XIRP2: variants seen among roughly 807,000 people sequenced by gnomAD.
XIRP2 encodes xin actin binding repeat containing 2, also known as xin actin-binding repeat-containing protein 2.
XIRP2 carries 236 observed loss-of-function variants against 277.0 expected under a neutral mutation model. The ratio of observed to expected loss-of-function variants is 0.85; its 90% CI spans 0.77 to 0.95. XIRP2 has a LOEUF of 0.95. Among genes scored for constraint, XIRP2 ranks in the 40% least tolerant of loss-of-function variants. The pLI, the probability that XIRP2 is intolerant of heterozygous loss-of-function variation, is 0.00. For synonymous variants in XIRP2, 1,490 were observed against 1,416.5 expected, an observed-to-expected ratio of 1.05 and a Z score of -1.17; for missense variants, 4,640 against 4,157.5, an observed-to-expected ratio of 1.12 and a Z score of -3.19.
intron 2 of XIRP2, among the ~76,000 whole-genome samples, chr2:166,997,338 TTC>T (rs1260416552): frequency 6.6e-6 from 1 of 152,210 alleles, no homozygotes; most frequent in Non-Finnish European, 1.5e-5. Context: ...TTCTGTATTT[TTC>T]AAGTCCCAAA....
intron 3 of XIRP2, among the ~76,000 whole-genome samples, chr2:167,145,757 A>C (rs962518299): frequency 4.6e-5 from 7 of 152,184 alleles, no homozygotes; most frequent in Non-Finnish European, 1.0e-4. Context: ...CCCCAAACTG[A>C]GAAATTAACT....
chr2:167,209,469 A>G (rs1573960227), intron 3 of XIRP2, among the ~76,000 whole-genome samples: 1 of 152,042 alleles, frequency 6.6e-6, no homozygotes, highest in East Asian at 1.9e-4. Context: ...GCTGTCTTTT[A>G]CTAGAGGTTA....
intron 1 of XIRP2, among the ~76,000 whole-genome samples, chr2:166,902,047 T>A (rs1273617898): frequency 1.3e-5 from 2 of 152,134 alleles, no homozygotes; most frequent in Non-Finnish European, 1.5e-5. Flanking sequence ...CAAATTTATT[T>A]CTCAAAATAA....
intron 2 of XIRP2, among the ~76,000 whole-genome samples, chr2:167,003,580 T>C (rs1687426790): frequency 6.6e-6 from 1 of 151,950 alleles, no homozygotes; most frequent in South Asian, 2.1e-4. Flanking sequence ...GAACAGCATG[T>C]AACTCAGTAT....
At chr2:166,965,271 C>T (rs777651014) in intron 2 of XIRP2, among the ~76,000 whole-genome samples, 12 of 151,824 alleles carry the variant, frequency 7.9e-5, no homozygotes, top group Non-Finnish European at 1.8e-4. Context: ...AACTCAGCTC[C>T]CAACATTATT....
At position 167,245,084 on chromosome 2, in the gene XIRP2, T is replaced by C; in HGVS notation, c.3692T>C (p.Ile1231Thr). ...ATCAAAACCTTAAAAACTGAAGATA[T>C]TCAGAAAGGCAATGTTTTAAATTGT... ...KKIKTLKTED[I>T]QKGNVLNCRW... The change falls in exon 9 of 11, where the codon ATT (isoleucine) becomes ACT (threonine). Residue 1231 changes from isoleucine (I) to threonine (T), a missense_variant. Ile to Thr is a moderately conservative substitution (Grantham distance 89). Transcript: ENST00000409195. 4 of 1,610,240 alleles carry C rather than the reference T, an allele frequency of 2.5e-6. No individual in the cohort carries two copies. The highest frequency in any genetic ancestry group is 1.1e-5 in the South Asian group (1 of 90,058).
Position 166,968,323 on chromosome 2 carries a change from A to G in XIRP2, c.408+64433A>G, listed in dbSNP as rs768687979. On this transcript the variant is annotated intron_variant, in intron 2 of 10. Transcript: ENST00000409195. ...ACGTAGAATTGGTGTTCTTTTATCT[A>G]TACAAAAAGGCACTTACTGAATAAT... is the stretch of plus-strand genomic sequence containing the variant. Among the ~76,000 whole-genome samples, 60 of 152,084 alleles carry G rather than the reference A, an allele frequency of 3.9e-4. 1 individual carries two copies. Among genetic ancestry groups the G allele is most frequent in the Middle Eastern group, 3.4e-3 (1 of 294 alleles).
intron 5 of XIRP2, among the ~76,000 whole-genome samples, chr2:167,230,617 A>C (rs767382087): frequency 1.5e-4 from 23 of 152,220 alleles, no homozygotes; most frequent in Non-Finnish European, 2.5e-4. Context: ...TACTATATTC[A>C]TGATATATCT....
chr2:167,046,407 A>G (rs958922318), intron 2 of XIRP2, among the ~76,000 whole-genome samples: 1 of 151,946 alleles, frequency 6.6e-6, no homozygotes, highest in African/African-American at 2.4e-5. Flanking sequence ...AGAATTTTTA[A>G]TATGAAGGGA....
chr2:167,134,958 A>T (rs1051710091), intron 2 of XIRP2, among the ~76,000 whole-genome samples: 9 of 152,086 alleles, frequency 5.9e-5, no homozygotes, highest in Non-Finnish European at 1.3e-4. Flanking sequence ...AAATTTATGA[A>T]TGGTTTATTT....
intron 2 of XIRP2, among the ~76,000 whole-genome samples, chr2:167,128,382 A>G (rs72884664): frequency 6.6e-6 from 1 of 152,116 alleles, no homozygotes; most frequent in Non-Finnish European, 1.5e-5. Flanking sequence ...TTTTTCAGTA[A>G]GTAGTCAACC....
At chr2:167,149,256 T>G (rs965867543) in intron 3 of XIRP2, among the ~76,000 whole-genome samples, 2 of 152,184 alleles carry the variant, frequency 1.3e-5, no homozygotes, top group Non-Finnish European at 2.9e-5. Flanking sequence ...CTTAATTCAC[T>G]ATGCAGATAG....
intron 2 of XIRP2, among the ~76,000 whole-genome samples, chr2:166,940,720 C>A (rs1343210785): frequency 2.6e-5 from 4 of 152,214 alleles, no homozygotes; most frequent in Non-Finnish European, 5.9e-5. Context: ...ACTTCAGACC[C>A]TGTTTGCCTG....
At chr2:167,228,358 C>G (rs1477900889) in intron 5 of XIRP2, among the ~76,000 whole-genome samples, 1 of 152,132 alleles carries the variant, frequency 6.6e-6, no homozygotes, top group African/African-American at 2.4e-5. Flanking sequence ...ACTGCTAATG[C>G]GTAGAGGGAT....
At position 166,903,731 on chromosome 2, in the gene XIRP2, G is replaced by A; in HGVS notation, c.249G>A (p.Lys83=). 1 of 1,613,670 alleles carries A rather than the reference G, an allele frequency of 6.2e-7. No homozygotes were observed. The highest frequency in any genetic ancestry group is 8.5e-7 in the Non-Finnish European group (1 of 1,179,804). The change falls in exon 2 of 11, where the codon AAG becomes AAA. Residue 83 remains lysine, a synonymous_variant. Transcript: ENST00000409195. ...CGGAAGAGAAGGATTCTGTGGACAA[G>A]AGTAACAACACCAGGGAATATGGTC... The part of the protein sequence containing the change: ...SKPEEKDSVD[K]SNNTREYGRP...
chr2:166,950,372 TGTG>T (rs769816192), intron 2 of XIRP2, among the ~76,000 whole-genome samples: 8 of 151,998 alleles, frequency 5.3e-5, no homozygotes, highest in Non-Finnish European at 1.0e-4. Context: ...TGTATTTAAT[TGTG>T]GTGAGGTCTT....
chr2:167,233,055 A>AC (rs1694805534), intron 5 of XIRP2, among the ~76,000 whole-genome samples: 1 of 151,932 alleles, frequency 6.6e-6, no homozygotes, highest in South Asian at 2.1e-4. Context: ...GCTCATTGGA[A>AC]CCCCAGGAAG....
At chr2:167,082,987 C>T (rs1382909898) in intron 2 of XIRP2, among the ~76,000 whole-genome samples, 1 of 152,126 alleles carries the variant, frequency 6.6e-6, no homozygotes, top group Non-Finnish European at 1.5e-5. Context: ...GTTGCCATTG[C>T]TTTTGGTGTT....
intron 2 of XIRP2, among the ~76,000 whole-genome samples, chr2:167,132,231 G>C (rs1406072071): frequency 6.6e-6 from 1 of 151,936 alleles, no homozygotes; most frequent in Non-Finnish European, 1.5e-5. Flanking sequence ...TGGAGTAGTG[G>C]CTCTTTACCA....
Sources: gnomAD v4.1 joint callset for allele counts (sites outside exome capture counted in the v4.1 genomes callset) on GRCh38, gnomAD v4.1.1 for gene constraint, MANE v1.5 for transcripts, NCBI Gene and HGNC (gene_info 2026-07-23, HGNC 2026-07-21) for gene names.